RMDN2: variants seen among roughly 807,000 people sequenced by gnomAD.
RMDN2 encodes regulator of microtubule dynamics 2, also known as regulator of microtubule dynamics protein 2.
In RMDN2, 61 loss-of-function variants were observed where a neutral mutation model predicts 52.8. That is an observed-to-expected ratio of 1.16 (90% confidence interval 0.94 to 1.43). RMDN2 has a LOEUF of 1.43. Ranked by LOEUF, RMDN2 falls within the 40% of genes most tolerant of loss-of-function variation. The pLI is 0.00. For missense variants in RMDN2, 592 were observed against 475.3 expected, an observed-to-expected ratio of 1.25 and a Z score of -2.28; for synonymous variants, 180 against 153.1, an observed-to-expected ratio of 1.18 and a Z score of -1.30.
rs138017192 is a variant in RMDN2, at chr2:37,988,097, C to A, written c.792-1444C>A. Among the ~76,000 whole-genome samples the A allele has an allele frequency of 4.2e-3, 634 of 152,194 alleles. 2 individuals are homozygous for A. The highest frequency in any genetic ancestry group is 7.6e-3 in the Non-Finnish European group (520 of 68,008). ...AATAGTGGGGGCTATAATGTAGGGG[C>A]TAGGATAGGAGATATATGGGAATCC... On this transcript the variant is annotated intron_variant, in intron 5 of 10. Coordinates refer to ENST00000354545, the MANE Select transcript of RMDN2 (RefSeq NM_001170791.3).
chr2:37,955,003 G>T (rs368742511), intron 2 of RMDN2, among the ~76,000 whole-genome samples: 2 of 152,042 alleles, frequency 1.3e-5, no homozygotes, highest in Admixed American at 6.6e-5. Context: ...ATAGCTCATT[G>T]TTAATGCATA....
At chr2:37,950,493 C>A (rs750734416) in intron 2 of RMDN2, 2 of 1,612,456 alleles carry the variant, frequency 1.2e-6, no homozygotes, top group Non-Finnish European at 1.7e-6. Flanking sequence ...AGTCTTCTGA[C>A]CTGTTCCACC....
intron 10 of RMDN2, among the ~76,000 whole-genome samples, chr2:38,053,184 T>C (rs1681698779): frequency 6.6e-6 from 1 of 152,190 alleles, no homozygotes. Context: ...AATAACATGA[T>C]TTTCTTACTC....
chr2:38,004,606 C>T (rs1474863490), intron 10 of RMDN2, among the ~76,000 whole-genome samples: 2 of 152,026 alleles, frequency 1.3e-5, no homozygotes, highest in Admixed American at 6.6e-5. Context: ...AAACTGTGTA[C>T]CCTAGACCAA....
intron 2 of RMDN2, among the ~76,000 whole-genome samples, chr2:37,970,787 A>G (rs1671710158): frequency 6.6e-6 from 1 of 152,184 alleles, no homozygotes; most frequent in South Asian, 2.1e-4. Flanking sequence ...TAAAGATAAT[A>G]GCTTTATACC....
chr2:37,992,717 C>A (rs1046674247), intron 7 of RMDN2, among the ~76,000 whole-genome samples: 3 of 152,030 alleles, frequency 2.0e-5, no homozygotes, highest in African/African-American at 7.2e-5. Flanking sequence ...ACAAAAAAAA[C>A]AAAGAATAAA....
intron 2 of RMDN2, among the ~76,000 whole-genome samples, chr2:37,944,866 G>A (rs1668093539): frequency 6.6e-6 from 1 of 152,106 alleles, no homozygotes; most frequent in South Asian, 2.1e-4. Context: ...CGTATTTATG[G>A]GCCACAAGGA....
chr2:37,977,644 G>C (rs574285435), intron 4 of RMDN2, among the ~76,000 whole-genome samples: 3 of 152,168 alleles, frequency 2.0e-5, no homozygotes, highest in South Asian at 2.1e-4. Context: ...TCCCAGACGG[G>C]GTGCCAGTGG....
chr2:37,962,773 C>T (rs997439118), intron 2 of RMDN2, among the ~76,000 whole-genome samples: 5 of 152,158 alleles, frequency 3.3e-5, no homozygotes, highest in African/African-American at 9.7e-5. Flanking sequence ...GCAGCTACCT[C>T]AGTGTCTGCT....
At chr2:37,945,407 C>T (rs1225045107) in intron 2 of RMDN2, among the ~76,000 whole-genome samples, 2 of 152,170 alleles carry the variant, frequency 1.3e-5, no homozygotes, top group East Asian at 1.9e-4. Flanking sequence ...AATTTGGACA[C>T]ATTTGTCTTC....
At chr2:38,042,095 G>C (rs1306989986) in intron 10 of RMDN2, among the ~76,000 whole-genome samples, 1 of 151,916 alleles carries the variant, frequency 6.6e-6, no homozygotes, top group Non-Finnish European at 1.5e-5. Flanking sequence ...TGCTTTGGAA[G>C]GTTATTTATT....
chr2:37,924,254 T>C (rs1052410496), upstream of RMDN2, among the ~76,000 whole-genome samples: 1 of 152,092 alleles, frequency 6.6e-6, no homozygotes, highest in African/African-American at 2.4e-5. Context: ...TGAGAAAGAG[T>C]GTACCCATTT....
chr2:38,062,214 T>A (rs1682081798), intron 10 of RMDN2, among the ~76,000 whole-genome samples: 2 of 152,230 alleles, frequency 1.3e-5, no homozygotes, highest in South Asian at 4.1e-4. Context: ...CACCAGGCTA[T>A]CCTTTTGTAG....
chr2:37,977,641 C>T (rs1441742434), intron 4 of RMDN2, among the ~76,000 whole-genome samples: 2 of 151,414 alleles, frequency 1.3e-5, no homozygotes, highest in African/African-American at 2.4e-5. Context: ...ACCTCCCAGA[C>T]GGGGTGCCAG....
At chr2:37,986,901 G>A (rs562034762) in intron 5 of RMDN2, among the ~76,000 whole-genome samples, 29 of 152,098 alleles carry the variant, frequency 1.9e-4, no homozygotes, top group Middle Eastern at 3.4e-3. Flanking sequence ...CCACCATTGA[G>A]AAACTAAGAT....
At chr2:38,029,188 C>T (rs1044638607) in intron 10 of RMDN2, among the ~76,000 whole-genome samples, 1 of 152,084 alleles carries the variant, frequency 6.6e-6, no homozygotes, top group Non-Finnish European at 1.5e-5. Flanking sequence ...CCAGCATCCC[C>T]AACTGCACAC....
intron 4 of RMDN2, among the ~76,000 whole-genome samples, chr2:37,981,033 G>C (rs1444809555): frequency 6.6e-6 from 1 of 152,210 alleles, no homozygotes; most frequent in Non-Finnish European, 1.5e-5. Flanking sequence ...GCTTAGTCTA[G>C]TGGGTGTCAA....
intron 10 of RMDN2, among the ~76,000 whole-genome samples, chr2:38,051,936 G>A (rs1029288649): frequency 2.0e-5 from 3 of 152,152 alleles, no homozygotes; most frequent in Admixed American, 6.5e-5. Flanking sequence ...GGACATGCAG[G>A]TTGATTTCAT....
intron 10 of RMDN2, chr2:38,028,118 A>T (rs1002853899): frequency 6.6e-5 from 10 of 152,232 alleles, no homozygotes; most frequent in African/African-American, 1.9e-4. Context: ...TTGAGCTAAA[A>T]TTATGGGGAC....
Sources: allele counts gnomAD v4.1 joint callset (sites outside exome capture counted in the v4.1 genomes callset), GRCh38; gene constraint gnomAD v4.1.1; transcripts MANE v1.5; gene names NCBI Gene and HGNC (gene_info 2026-07-23, HGNC 2026-07-21).